CDK5RAP2: variants seen among roughly 807,000 people sequenced by gnomAD.
CDK5RAP2 encodes CDK5 regulatory subunit associated protein 2.
In CDK5RAP2, 147 loss-of-function variants were observed where a neutral mutation model predicts 232.9. The ratio of observed to expected loss-of-function variants is 0.63; its 90% CI spans 0.55 to 0.72. The LOEUF is 0.72. CDK5RAP2 is among the 30% of genes least tolerant of loss of function. The pLI is 0.00. For synonymous variants in CDK5RAP2, 833 were observed against 833.7 expected, an observed-to-expected ratio of 1.00 and a Z score of 0.01; for missense variants, 2,195 against 2,231.5, an observed-to-expected ratio of 0.98 and a Z score of 0.33.
intron 6 of CDK5RAP2, among the ~76,000 whole-genome samples, chr9:120,538,580 G>A (rs571457158): frequency 9.2e-5 from 14 of 152,286 alleles, no homozygotes; most frequent in South Asian, 8.3e-4. Context: ...GGAAGGACAC[G>A]TGGTAGCCTA....
chr9:120,579,522 T>A (rs562436779), intron 1 of CDK5RAP2, among the ~76,000 whole-genome samples: 3 of 152,302 alleles, frequency 2.0e-5, no homozygotes, highest in South Asian at 4.1e-4. Flanking sequence ...AGTCTGGGCA[T>A]ACCGGCTACA....
chr9:120,511,327 T>G (rs1248592374), intron 12 of CDK5RAP2, among the ~76,000 whole-genome samples: 1 of 152,186 alleles, frequency 6.6e-6, no homozygotes, highest in Non-Finnish European at 1.5e-5. Flanking sequence ...AGGTCAGGGC[T>G]CATCTGTAAA....
At chr9:120,527,057 AAC>A (rs1273217361) in intron 10 of CDK5RAP2, among the ~76,000 whole-genome samples, 1 of 151,914 alleles carries the variant, frequency 6.6e-6, no homozygotes, top group Non-Finnish European at 1.5e-5. Context: ...CACAACCCTC[AAC>A]ACTCTTTCTT....
At chr9:120,490,930 A>G (rs1400765730) in intron 13 of CDK5RAP2, among the ~76,000 whole-genome samples, 1 of 152,238 alleles carries the variant, frequency 6.6e-6, no homozygotes, top group Non-Finnish European at 1.5e-5. Context: ...GGGTACTCCT[A>G]AAGAAAAAGG....
chr9:120,531,586 C>A (rs968389461), intron 7 of CDK5RAP2, among the ~76,000 whole-genome samples: 3 of 152,078 alleles, frequency 2.0e-5, no homozygotes, highest in African/African-American at 7.2e-5. Context: ...TATGGTGGAA[C>A]TCAACAAATG....
intron 14 of CDK5RAP2, among the ~76,000 whole-genome samples, chr9:120,483,552 G>A (rs1420550406): frequency 6.6e-6 from 1 of 152,226 alleles, no homozygotes; most frequent in Non-Finnish European, 1.5e-5. Context: ...CTTTCATGGT[G>A]GTTGTGCTCA....
At chr9:120,570,805 C>G (rs1375001536) in intron 2 of CDK5RAP2, among the ~76,000 whole-genome samples, 1 of 152,142 alleles carries the variant, frequency 6.6e-6, no homozygotes, top group Non-Finnish European at 1.5e-5. Context: ...CACCACTGCA[C>G]TCCAGCCTGG....
chr9:120,510,846 T>A (rs2040047584), intron 12 of CDK5RAP2, among the ~76,000 whole-genome samples: 1 of 152,214 alleles, frequency 6.6e-6, no homozygotes, highest in African/African-American at 2.4e-5. Flanking sequence ...CTATCTGTGA[T>A]CCTCACTTTT....
At chr9:120,552,229 T>C (rs1387608791) in intron 3 of CDK5RAP2, among the ~76,000 whole-genome samples, 2 of 151,936 alleles carry the variant, frequency 1.3e-5, no homozygotes, top group Non-Finnish European at 2.9e-5. Flanking sequence ...ATAGGAACAC[T>C]TTTACACTGT....
chr9:120,489,223 T>C (rs773090201), intron 13 of CDK5RAP2, among the ~76,000 whole-genome samples: 2 of 152,258 alleles, frequency 1.3e-5, no homozygotes, highest in African/African-American at 4.8e-5. Context: ...ATTCCAAGTG[T>C]GGGTTCTTTG....
At chr9:120,525,115 CTGGG>C (rs2040842164) in intron 10 of CDK5RAP2, 37 bp from the exon 11 acceptor site, 9 of 1,476,880 alleles carry the variant, frequency 6.1e-6, no homozygotes, top group Non-Finnish European at 8.5e-6. Flanking sequence ...AAGTATGTAA[CTGGG>C]CTCTCCTCTC....
At chr9:120,434,845 G>C (rs2035484108) in intron 25 of CDK5RAP2, among the ~76,000 whole-genome samples, 1 of 152,166 alleles carries the variant, frequency 6.6e-6, no homozygotes, top group Non-Finnish European at 1.5e-5. Context: ...CAGGCAAACT[G>C]TTTCAGTGGA....
chr9:120,515,519 C>A (rs551105530), intron 12 of CDK5RAP2, among the ~76,000 whole-genome samples: 9 of 152,196 alleles, frequency 5.9e-5, no homozygotes, highest in Non-Finnish European at 1.2e-4. Context: ...AAACCAGATA[C>A]ATTTTGTGTT....
At chr9:120,529,559 G>A (rs1182661414) in intron 8 of CDK5RAP2, among the ~76,000 whole-genome samples, 2 of 152,180 alleles carry the variant, frequency 1.3e-5, no homozygotes, top group Non-Finnish European at 2.9e-5. Context: ...TGCTAAGCCC[G>A]ATACGAGTTA....
At chr9:120,539,710 G>A (rs986508818) in intron 5 of CDK5RAP2, among the ~76,000 whole-genome samples, 2 of 152,174 alleles carry the variant, frequency 1.3e-5, no homozygotes, top group African/African-American at 4.8e-5. Flanking sequence ...GTAATGTTAC[G>A]ATAAAAGCAT....
chr9:120,440,282 A>C (rs1240300966), intron 23 of CDK5RAP2: 1 of 403,326 alleles, frequency 2.5e-6, no homozygotes, highest in African/African-American at 2.0e-5. Context: ...CGACATTCCC[A>C]GTATCTACAT....
At chr9:120,484,263 G>T (rs777124534) in intron 14 of CDK5RAP2, among the ~76,000 whole-genome samples, 18 of 152,180 alleles carry the variant, frequency 1.2e-4, no homozygotes, top group Non-Finnish European at 2.4e-4. Flanking sequence ...TTTCTACAAA[G>T]AAAGAACTAC....
chr9:120,524,801 G>C (rs2040826436), intron 11 of CDK5RAP2, among the ~76,000 whole-genome samples, 185 bp downstream of exon 11: 1 of 152,132 alleles, frequency 6.6e-6, no homozygotes, highest in Admixed American at 6.5e-5. Context: ...ATATTGAGGA[G>C]GGGGCTGGAA....
chr9:120,557,372 T>A (rs1298154361), intron 3 of CDK5RAP2, among the ~76,000 whole-genome samples: 1 of 152,174 alleles, frequency 6.6e-6, no homozygotes, highest in African/African-American at 2.4e-5. Flanking sequence ...CCCACCCCCA[T>A]CCCATAACCT....
Sources: allele counts gnomAD v4.1 joint callset (sites outside exome capture counted in the v4.1 genomes callset), GRCh38; gene constraint gnomAD v4.1.1; transcripts MANE v1.5; gene names NCBI Gene and HGNC (gene_info 2026-07-23, HGNC 2026-07-21).